HPSE2: variants seen among roughly 807,000 people sequenced by gnomAD.
HPSE2 encodes the protein inactive heparanase-2.
In HPSE2, 38 loss-of-function variants were observed where a neutral mutation model predicts 60.5. The ratio of observed to expected loss-of-function variants is 0.63; its 90% CI spans 0.48 to 0.82. The LOEUF (loss-of-function observed/expected upper bound fraction) is 0.82, where lower values mean the gene tolerates loss of function less well. Ranked by LOEUF, HPSE2 falls within the 40% of genes least tolerant of loss-of-function variation. The pLI, the probability that HPSE2 is intolerant of heterozygous loss-of-function variation, is 0.00. For missense variants in HPSE2, 713 were observed against 740.4 expected (o/e 0.96, Z 0.43); for synonymous variants, 295 against 293.2 (o/e 1.01, Z -0.06).
chr10:99,102,119 A>C (rs185490488), intron 3 of HPSE2, among the ~76,000 whole-genome samples: 1,712 of 152,306 alleles, frequency 0.011, 33 homozygotes, highest in African/African-American at 0.038. Context: ...GAAGGCAAGA[A>C]ATAACTAAGA....
At chr10:98,694,308 G>A (rs998249848) in intron 5 of HPSE2, among the ~76,000 whole-genome samples, 1 of 152,156 alleles carries the variant, frequency 6.6e-6, no homozygotes, top group African/African-American at 2.4e-5. Flanking sequence ...TCCAATCTCT[G>A]CTAGGAAACA....
chr10:99,297,753 GC>G, the HPSE2 span, among the ~76,000 whole-genome samples: 2 of 152,000 alleles, frequency 1.3e-5, no homozygotes, highest in Non-Finnish European at 2.9e-5. Context: ...CCCCTGGGTG[GC>G]CCAGGGTTTT....
intron 3 of HPSE2, among the ~76,000 whole-genome samples, chr10:98,777,387 A>G (rs1211336728): frequency 1.3e-5 from 2 of 152,226 alleles, no homozygotes; most frequent in African/African-American, 4.8e-5. Context: ...AAAAACAATT[A>G]CATGCAAACT....
intron 9 of HPSE2, among the ~76,000 whole-genome samples, chr10:98,608,146 G>T (rs1236085412): frequency 6.6e-6 from 1 of 152,102 alleles, no homozygotes; most frequent in Admixed American, 6.5e-5. Context: ...TGGTAGAGCT[G>T]GTTTTGAAAC....
intron 4 of HPSE2, among the ~76,000 whole-genome samples, chr10:98,722,889 T>G (rs1045770605): frequency 1.3e-5 from 2 of 152,176 alleles, no homozygotes; most frequent in African/African-American, 2.4e-5. Flanking sequence ...GTTTTCTAGA[T>G]AGACATCATG....
chr10:98,582,481 T>C (rs1235126141), intron 9 of HPSE2, among the ~76,000 whole-genome samples: 2 of 152,168 alleles, frequency 1.3e-5, no homozygotes, highest in East Asian at 1.9e-4. Flanking sequence ...ACACTAAGCA[T>C]GCCCATGCAT....
At chr10:99,233,968 A>G (rs1042456836) in intron 1 of HPSE2, among the ~76,000 whole-genome samples, 2 of 152,244 alleles carry the variant, frequency 1.3e-5, no homozygotes, top group Non-Finnish European at 2.9e-5. Context: ...GCAGGAAAGC[A>G]TTAGGCGAAC....
chr10:99,021,493 T>C (rs1393803335), intron 3 of HPSE2, among the ~76,000 whole-genome samples: 4 of 152,096 alleles, frequency 2.6e-5, no homozygotes, highest in Non-Finnish European at 5.9e-5. Flanking sequence ...GCCTGCTTGA[T>C]GGTTTAGGCA....
At chr10:99,008,262 C>G (rs1029291085) in intron 3 of HPSE2, among the ~76,000 whole-genome samples, 1 of 152,138 alleles carries the variant, frequency 6.6e-6, no homozygotes, top group African/African-American at 2.4e-5. Flanking sequence ...TCATTGTTTT[C>G]TTTTTTTACA....
chr10:98,789,104 A>G (rs1950599678), intron 3 of HPSE2, among the ~76,000 whole-genome samples: 1 of 152,150 alleles, frequency 6.6e-6, no homozygotes, highest in Non-Finnish European at 1.5e-5. Flanking sequence ...GAGGACAGAA[A>G]TTTGTATCTG....
chr10:98,743,282 T>G (rs1175301007), intron 4 of HPSE2, among the ~76,000 whole-genome samples: 1 of 152,182 alleles, frequency 6.6e-6, no homozygotes, highest in Non-Finnish European at 1.5e-5. Flanking sequence ...AGAATGGGTC[T>G]CTTCTAAGCA....
the HPSE2 span, among the ~76,000 whole-genome samples, chr10:99,248,195 G>A: frequency 6.6e-6 from 1 of 152,210 alleles, no homozygotes; most frequent in Non-Finnish European, 1.5e-5. Context: ...ACAGGAAGAT[G>A]AGGGAAAGTT....
chr10:98,937,525 G>A (rs1298137762), intron 3 of HPSE2, among the ~76,000 whole-genome samples: 1 of 144,426 alleles, frequency 6.9e-6, no homozygotes, highest in Non-Finnish European at 1.5e-5. Flanking sequence ...GCAGCAGCCA[G>A]GCTGGGGGAG....
chr10:98,973,859 G>T (rs372192696), intron 3 of HPSE2, among the ~76,000 whole-genome samples: 1 of 141,562 alleles, frequency 7.1e-6, no homozygotes, highest in African/African-American at 2.9e-5. Context: ...AGGAAAAAAA[G>T]GGGGGGGGAG....
intron 3 of HPSE2, among the ~76,000 whole-genome samples, chr10:99,015,546 T>C (rs2135412423): frequency 6.6e-6 from 1 of 152,206 alleles, no homozygotes; most frequent in South Asian, 2.1e-4. Flanking sequence ...GAAACCATCA[T>C]TCTCAGCAAA....
intron 2 of HPSE2, among the ~76,000 whole-genome samples, chr10:99,198,051 G>C (rs528349372): frequency 6.7e-6 from 1 of 149,700 alleles, no homozygotes; most frequent in African/African-American, 2.5e-5. Context: ...TTGGGCAACA[G>C]AGCAAGACTC....
intron 9 of HPSE2, among the ~76,000 whole-genome samples, chr10:98,511,674 G>C (rs1171644103): frequency 6.6e-6 from 1 of 151,596 alleles, no homozygotes; most frequent in Non-Finnish European, 1.5e-5. Flanking sequence ...ATCAGGGCCT[G>C]TATCTTTGCA....
chr10:98,957,016 A>C (rs1412430151), intron 3 of HPSE2, among the ~76,000 whole-genome samples: 1 of 152,202 alleles, frequency 6.6e-6, no homozygotes, highest in Non-Finnish European at 1.5e-5. Context: ...AGTCTGTTGC[A>C]TTCCAAGAGT....
intron 9 of HPSE2, among the ~76,000 whole-genome samples, chr10:98,596,641 G>GT (rs1300346101): frequency 6.6e-6 from 1 of 151,772 alleles, no homozygotes; most frequent in Non-Finnish European, 1.5e-5. Flanking sequence ...TTTTTTTGTT[G>GT]TTTTTATTTC....
Sources: allele counts gnomAD v4.1 joint callset (sites outside exome capture counted in the v4.1 genomes callset), GRCh38; gene constraint gnomAD v4.1.1; transcripts MANE v1.5; gene names NCBI Gene and HGNC (gene_info 2026-07-23, HGNC 2026-07-21).